Variants in PDE3A observed in about 807,000 individuals in gnomAD.
The protein encoded by PDE3A is cGMP-inhibited 3',5'-cyclic phosphodiesterase 3A.
In PDE3A, 43 loss-of-function variants were observed where a neutral mutation model predicts 98.3. That is an observed-to-expected ratio of 0.44 (90% CI 0.34 to 0.56). The LOEUF (loss-of-function observed/expected upper bound fraction) is 0.56. Ranked by LOEUF, PDE3A falls within the 20% of genes least tolerant of loss-of-function variation. The pLI, the probability that PDE3A is intolerant of heterozygous loss-of-function variation, is 0.01. For missense variants in PDE3A, 1,427 were observed against 1,440.7 expected (o/e 0.99, Z 0.15); for synonymous variants, 663 against 567.9 (o/e 1.17, Z -2.38).
chr12:20,573,267 C>A (rs1207291602), intron 2 of PDE3A, among the ~76,000 whole-genome samples: 21 of 152,140 alleles, frequency 1.4e-4, no homozygotes, highest in Admixed American at 1.4e-3. Flanking sequence ...TTTTAATCTA[C>A]AAAATAATTT....
At chr12:20,647,106 G>A (rs1192958274) in intron 12 of PDE3A, among the ~76,000 whole-genome samples, 156 bp downstream of exon 12, 1 of 152,110 alleles carries the variant, frequency 6.6e-6, no homozygotes, top group Non-Finnish European at 1.5e-5. Flanking sequence ...CTGAAAAGAA[G>A]CCATGGATTC....
At chr12:20,483,260 G>A (rs1945665189) in intron 1 of PDE3A, among the ~76,000 whole-genome samples, 1 of 152,074 alleles carries the variant, frequency 6.6e-6, no homozygotes. Flanking sequence ...GTGGTGGTGG[G>A]CGCCTGTAGT....
intron 1 of PDE3A, among the ~76,000 whole-genome samples, chr12:20,421,904 C>G (rs967067166): frequency 6.6e-6 from 1 of 152,166 alleles, no homozygotes; most frequent in Non-Finnish European, 1.5e-5. Context: ...TGATTTGGCT[C>G]AGGCTGTGTT....
chr12:20,552,670 A>G lies in PDE3A; in HGVS notation c.961-3990A>G. 5 of 1,613,986 alleles carry G rather than the reference A, an allele frequency of 3.1e-6. No individual in the cohort carries two copies. The highest frequency in any genetic ancestry group is 4.2e-6 in the Non-Finnish European group (5 of 1,179,874). ...GCCCTACAGTCTCACGGCCCAGCAG[A>G]GCAGCCTCATCAGAGAGGACAAGAG... On this transcript the variant is annotated intron_variant, in intron 1 of 15. Transcript: ENST00000359062. The surrounding 1 kb of genome is among the most constrained non-coding windows in gnomAD (Gnocchi z 5.1).
intron 15 of PDE3A, among the ~76,000 whole-genome samples, chr12:20,666,836 T>A (rs949886564): frequency 5.9e-5 from 9 of 152,184 alleles, no homozygotes; most frequent in Non-Finnish European, 1.2e-4. Context: ...TCTTTTGAGA[T>A]TTTGAGAAAT....
intron 1 of PDE3A, among the ~76,000 whole-genome samples, chr12:20,448,367 G>A (rs565136884): frequency 3.3e-5 from 5 of 152,250 alleles, no homozygotes; most frequent in Non-Finnish European, 7.4e-5. Context: ...ATTGAACCCG[G>A]GAGGCGGCAG....
rs146228007 is a variant in PDE3A, at chr12:20,608,395, A to G, written c.1012-5048A>G. On this transcript the variant is annotated intron_variant, in intron 2 of 15. Coordinates refer to ENST00000359062, the MANE Select transcript of PDE3A (RefSeq NM_000921.5). ...ATACTAAGGATATTTTTTTTTTCCAATAGTAGAAGTGTTCACTTCAGTTTC... is the reference window on the plus strand; with the variant it reads ...ATACTAAGGATATTTTTTTTTTCCAGTAGTAGAAGTGTTCACTTCAGTTTC... Among the ~76,000 whole-genome samples the G allele has an allele frequency of 2.8e-4, 42 of 151,946 alleles. No individual in the cohort carries two copies. The East Asian group carries it at 7.7e-3, about 28-fold the overall frequency.
chr12:20,449,172 T>A (rs1298440889), intron 1 of PDE3A, among the ~76,000 whole-genome samples: 1 of 152,182 alleles, frequency 6.6e-6, no homozygotes, highest in Non-Finnish European at 1.5e-5. Flanking sequence ...GTGAAAAGAT[T>A]TCCCACTCAA....
intron 1 of PDE3A, among the ~76,000 whole-genome samples, chr12:20,504,657 T>C (rs1946082835): frequency 6.6e-6 from 1 of 152,100 alleles, no homozygotes; most frequent in Admixed American, 6.6e-5. Context: ...TTCTAGAGGC[T>C]GCCCAAGTTC....
chr12:20,387,360 T>G (rs1260667330), intron 1 of PDE3A, among the ~76,000 whole-genome samples: 1 of 152,114 alleles, frequency 6.6e-6, no homozygotes, highest in Non-Finnish European at 1.5e-5. Flanking sequence ...TAAATTACTT[T>G]GGGCAGTATG....
At chr12:20,652,596 A>G (rs1412142395) in intron 14 of PDE3A, among the ~76,000 whole-genome samples, 2 of 151,892 alleles carry the variant, frequency 1.3e-5, no homozygotes, top group South Asian at 2.1e-4. Flanking sequence ...CATATCCTTC[A>G]CCCACTTTTT....
intron 1 of PDE3A, among the ~76,000 whole-genome samples, chr12:20,404,836 T>TTTG (rs1434949931): frequency 6.7e-5 from 10 of 148,376 alleles, no homozygotes; most frequent in East Asian, 4.0e-4. Context: ...GTTTTTTTTT[T>TTTG]TTTTTTTTTT....
intron 15 of PDE3A, among the ~76,000 whole-genome samples, chr12:20,669,351 C>A (rs924896018): frequency 6.6e-6 from 1 of 151,922 alleles, no homozygotes; most frequent in Non-Finnish European, 1.5e-5. Flanking sequence ...ACAGAGAACA[C>A]CACAAAGATA....
chr12:20,495,971 A>G (rs1945911920), intron 1 of PDE3A, among the ~76,000 whole-genome samples: 5 of 152,238 alleles, frequency 3.3e-5, no homozygotes, highest in Admixed American at 2.0e-4. Context: ...ATGTTAAAAT[A>G]AATCATTTAA....
At chr12:20,529,136 C>T (rs1335243327) in intron 1 of PDE3A, among the ~76,000 whole-genome samples, 3 of 152,004 alleles carry the variant, frequency 2.0e-5, no homozygotes, top group Non-Finnish European at 2.9e-5. Context: ...TAAAATCTAC[C>T]AGAAGAATCA....
Position 20,517,183 on chromosome 12 carries a change from C to T in PDE3A, c.961-39477C>T, listed in dbSNP as rs114266037. Among the ~76,000 whole-genome samples, 824 of 152,258 alleles carry T rather than the reference C, an allele frequency of 5.4e-3. 7 individuals carry two copies. Among genetic ancestry groups the T allele is most frequent in the African/African-American group, 0.019 (779 of 41,546 alleles). Reference sequence around the variant, plus strand: ...AGTTGGTTTATTTCTTTCAGAGTAGCTAGTGCCATTTGTTGTACTTGTTAT... The same window carrying T: ...AGTTGGTTTATTTCTTTCAGAGTAGTTAGTGCCATTTGTTGTACTTGTTAT... On this transcript the variant is annotated intron_variant, in intron 1 of 15. Coordinates refer to ENST00000359062, the MANE Select transcript of PDE3A (RefSeq NM_000921.5).
chr12:20,403,434 TCA>T (rs1944170852), intron 1 of PDE3A, among the ~76,000 whole-genome samples: 1 of 152,196 alleles, frequency 6.6e-6, no homozygotes, highest in African/African-American at 2.4e-5. Context: ...TCTTATTTAT[TCA>T]CAGTTGTAGT....
rs188931348 is a variant in PDE3A at position 20,466,771 on chromosome 12, G to A, written c.961-89889G>A. Among the ~76,000 whole-genome samples, 1,176 of 152,180 alleles carry A rather than the reference G, an allele frequency of 7.7e-3. 24 individuals carry two copies. The highest frequency in any genetic ancestry group is 9.8e-3 in the Non-Finnish European group (667 of 67,984). On this transcript the variant is annotated intron_variant, in intron 1 of 15. Coordinates refer to ENST00000359062, the MANE Select transcript of PDE3A (RefSeq NM_000921.5). Reference sequence around the variant, plus strand: ...GCTTTGTGTGTGATAGACGAAGTTTGAATTTTAGGATAAGTGTTTTCTTTT... The same window carrying A: ...GCTTTGTGTGTGATAGACGAAGTTTAAATTTTAGGATAAGTGTTTTCTTTT...
intron 1 of PDE3A, among the ~76,000 whole-genome samples, chr12:20,377,903 A>G (rs1943600257): frequency 6.6e-6 from 1 of 151,752 alleles, no homozygotes; most frequent in African/African-American, 2.4e-5. Flanking sequence ...AACACAACAC[A>G]TGTTCATGAT....
Sources: allele counts gnomAD v4.1 joint callset (sites outside exome capture counted in the v4.1 genomes callset), GRCh38; gene constraint gnomAD v4.1.1; non-coding constraint Gnocchi (gnomAD v3.1); transcripts MANE v1.5; gene names NCBI Gene and HGNC (gene_info 2026-07-23, HGNC 2026-07-21).